KCNIP4: variants seen among roughly 807,000 people sequenced by gnomAD.
The protein encoded by KCNIP4 is potassium voltage-gated channel interacting protein 4, also known as Kv channel-interacting protein 4.
KCNIP4 carries 12 observed loss-of-function variants against 34.0 expected under a neutral mutation model. That is an observed-to-expected ratio of 0.35 (90% CI 0.23 to 0.57). KCNIP4 has a LOEUF of 0.57. KCNIP4 is among the 20% of genes least tolerant of loss of function. The probability of loss-of-function intolerance (pLI) is 0.83; values close to 1 mark genes in which losing one functional copy is unlikely to be tolerated. For synonymous variants in KCNIP4, 124 were observed against 102.2 expected, an observed-to-expected ratio of 1.21 and a Z score of -1.29; for missense variants, 238 against 311.7, an observed-to-expected ratio of 0.76 and a Z score of 1.78.
chr4:20,923,037 C>T lies in KCNIP4; in HGVS notation c.62-40328G>A, dbSNP rs2149588973. Among the ~76,000 whole-genome samples, 2 of 152,100 alleles carry T rather than the reference C, an allele frequency of 1.3e-5. 1 individual carries two copies. The highest frequency in any genetic ancestry group is 4.8e-5 in the African/African-American group (2 of 41,484). ...TTTCTCTTTGGATTATGAACTTCCTCAGTAGATAATTTCAAAGGGAGTGAT... is the reference window on the plus strand; with the variant it reads ...TTTCTCTTTGGATTATGAACTTCCTTAGTAGATAATTTCAAAGGGAGTGAT... On this transcript the variant is annotated intron_variant, in intron 1 of 8. Coordinates refer to ENST00000382152, the MANE Select transcript of KCNIP4 (RefSeq NM_025221.6).
chr4:21,380,458 G>GAGGGGGAGAGA (rs1560347883), intron 1 of KCNIP4, among the ~76,000 whole-genome samples: 2 of 88,580 alleles, frequency 2.3e-5, no homozygotes, highest in Non-Finnish European at 4.5e-5. Flanking sequence ...AGGGAGAGGG[G>GAGGGGGAGAGA]GAGAGAGAGA....
At chr4:21,293,097 A>G (rs991111170) in intron 1 of KCNIP4, among the ~76,000 whole-genome samples, 4 of 152,210 alleles carry the variant, frequency 2.6e-5, no homozygotes, top group African/African-American at 9.6e-5. Context: ...ACAAATGATA[A>G]TAAATAGGAG....
chr4:21,424,043 G>T (rs1165912052), intron 1 of KCNIP4, among the ~76,000 whole-genome samples: 1 of 149,548 alleles, frequency 6.7e-6, no homozygotes, highest in East Asian at 2.0e-4. Context: ...CTGGTCTGGA[G>T]CTCCTGACCT....
At chr4:21,362,350 C>T (rs1317371141) in intron 1 of KCNIP4, among the ~76,000 whole-genome samples, 1 of 151,960 alleles carries the variant, frequency 6.6e-6, no homozygotes, top group African/African-American at 2.4e-5. Flanking sequence ...GTCTCCTGAC[C>T]CAGAACTTGC....
intron 1 of KCNIP4, among the ~76,000 whole-genome samples, chr4:21,332,196 C>A (rs1715708958): frequency 6.6e-6 from 1 of 151,926 alleles, no homozygotes; most frequent in Non-Finnish European, 1.5e-5. Flanking sequence ...TATTCAGAAG[C>A]CCATTGGAAC....
chr4:20,886,184 G>T (rs1725292246), intron 1 of KCNIP4, among the ~76,000 whole-genome samples: 1 of 152,188 alleles, frequency 6.6e-6, no homozygotes, highest in Admixed American at 6.5e-5. Flanking sequence ...CTACATGAGG[G>T]AACTCTTTCC....
intron 1 of KCNIP4, among the ~76,000 whole-genome samples, chr4:21,861,396 A>T (rs4696988): frequency 6.6e-6 from 1 of 152,192 alleles, no homozygotes. Context: ...AGCTTTAAAA[A>T]TATTCCCAAC....
At chr4:21,592,716 T>C (rs1287976142) in intron 1 of KCNIP4, among the ~76,000 whole-genome samples, 1 of 152,148 alleles carries the variant, frequency 6.6e-6, no homozygotes, top group Non-Finnish European at 1.5e-5. Flanking sequence ...GAAAGTATAA[T>C]TCTAGCAAGA....
intron 1 of KCNIP4, among the ~76,000 whole-genome samples, chr4:21,450,588 G>A (rs1478444762): frequency 6.6e-6 from 1 of 152,130 alleles, no homozygotes; most frequent in Non-Finnish European, 1.5e-5. Flanking sequence ...GGGAGAGGAG[G>A]AGGAAGAGGA....
At chr4:21,773,009 T>C (rs1428700270) in intron 1 of KCNIP4, among the ~76,000 whole-genome samples, 1 of 152,188 alleles carries the variant, frequency 6.6e-6, no homozygotes. Context: ...ATTGGGATGT[T>C]AGCGTGTCAA....
At chr4:21,859,059 C>G (rs1483106218) in intron 1 of KCNIP4, among the ~76,000 whole-genome samples, 1 of 152,188 alleles carries the variant, frequency 6.6e-6, no homozygotes, top group Non-Finnish European at 1.5e-5. Flanking sequence ...CTCGAAATCA[C>G]TGCTCTTAGA....
chr4:21,579,072 G>A (rs904732742), intron 1 of KCNIP4, among the ~76,000 whole-genome samples: 27 of 152,156 alleles, frequency 1.8e-4, no homozygotes, highest in Middle Eastern at 3.2e-3. Flanking sequence ...GATTCTAAGA[G>A]ATCAACTGAT....
At chr4:21,064,573 C>T (rs573577925) in intron 1 of KCNIP4, among the ~76,000 whole-genome samples, 1 of 152,058 alleles carries the variant, frequency 6.6e-6, no homozygotes, top group Non-Finnish European at 1.5e-5. Flanking sequence ...AAAATAGGAC[C>T]ATTGGAGTAT....
intron 1 of KCNIP4, among the ~76,000 whole-genome samples, chr4:21,272,881 C>G (rs1039351621): frequency 6.6e-6 from 1 of 152,140 alleles, no homozygotes; most frequent in Admixed American, 6.5e-5. Flanking sequence ...TGTCAATTAT[C>G]TACAGCACAA....
rs1714225420 is a variant in KCNIP4 at position 21,320,244 on chromosome 4, A to G, written c.62-437535T>C. On this transcript the variant is annotated intron_variant, in intron 1 of 8. Transcript: ENST00000382152. Reference sequence around the variant, plus strand: ...CAGATAAGCAGAGTTTGGAGGGAACAGGCATCTAAATAATTACATTTTGAT... The same window carrying G: ...CAGATAAGCAGAGTTTGGAGGGAACGGGCATCTAAATAATTACATTTTGAT... Among the ~76,000 whole-genome samples the G allele has an allele frequency of 2.0e-5, 3 of 152,346 alleles. No homozygotes were observed. In the South Asian group the frequency reaches 6.2e-4, roughly 32 times the overall value.
Position 20,910,494 on chromosome 4 carries a change from TG to T in KCNIP4, c.62-27786del, listed in dbSNP as rs1465482718. 2.6e-5 allele frequency among the ~76,000 whole-genome samples: 4 copies of T among 152,274 alleles called. No individual in the cohort carries two copies. The South Asian group carries it at 6.2e-4, about 24-fold the overall frequency. On this transcript the variant is annotated intron_variant, in intron 1 of 8. Coordinates refer to ENST00000382152, the MANE Select transcript of KCNIP4 (RefSeq NM_025221.6). ...ACTCCAGGATGAGGAAAGTGAAACA[TG>T]GGGCTGAACATGACAAGAATAGTGA...
At chr4:20,792,176 C>A (rs1332768471) in intron 3 of KCNIP4, among the ~76,000 whole-genome samples, 1 of 152,106 alleles carries the variant, frequency 6.6e-6, no homozygotes, top group African/African-American at 2.4e-5. Flanking sequence ...GAGTTTGAGA[C>A]CAGCCTGGCC....
intron 1 of KCNIP4, among the ~76,000 whole-genome samples, chr4:21,839,534 G>A (rs1238392425): frequency 2.6e-5 from 4 of 152,074 alleles, no homozygotes; most frequent in Admixed American, 2.0e-4. Context: ...TGGGTGGATC[G>A]CCTGAGGTTA....
chr4:21,822,719 CTTTTTTTTT>C, intron 1 of KCNIP4, among the ~76,000 whole-genome samples: 1 of 137,852 alleles, frequency 7.3e-6, no homozygotes, highest in Non-Finnish European at 1.5e-5. Context: ...ATTAATTTTC[CTTTTTTTTT>C]TTTTTTTGAG....
Sources: allele counts gnomAD v4.1 joint callset (sites outside exome capture counted in the v4.1 genomes callset), GRCh38; gene constraint gnomAD v4.1.1; transcripts MANE v1.5; gene names NCBI Gene and HGNC (gene_info 2026-07-23, HGNC 2026-07-21).